Variants in USP9X observed in about 807,000 individuals in gnomAD.
The protein encoded by USP9X is ubiquitin specific peptidase 9 X-linked.
In USP9X, 7 loss-of-function variants were observed where a neutral mutation model predicts 190.3. The ratio of observed to expected loss-of-function variants is 0.04; its 90% CI spans 0.02 to 0.07. USP9X has a LOEUF of 0.07. USP9X is among the 10% of genes least tolerant of loss of function. USP9X has a pLI of 1.00. For synonymous variants in USP9X, 645 were observed against 659.5 expected (o/e 0.98, Z 0.34); for missense variants, 1,010 against 1,916.9 (o/e 0.53, Z 8.83).
chrX:41,170,024 T>C lies in USP9X; in HGVS notation c.2666T>C (p.Val889Ala). 2 of 1,211,613 alleles carry C rather than the reference T, an allele frequency of 1.7e-6. No individual in the cohort carries two copies. The highest frequency in any genetic ancestry group is 2.2e-6 in the Non-Finnish European group (2 of 895,401). ...TTCCGCGGTAAACACCTCTCTTTTGTAGTTCGATTTCCAAACCAGGGCAGA... is the reference window on the plus strand; with the variant it reads ...TTCCGCGGTAAACACCTCTCTTTTGCAGTTCGATTTCCAAACCAGGGCAGA... ...RAFRGKHLSF[V>A]VRFPNQGRQV... Residue 889 changes from valine (V) to alanine (A), a missense_variant, in exon 19 of 45, where the codon GTA becomes GCA. Physicochemically the swap from Val to Ala is moderately conservative, Grantham distance 64. This residue lies in a region of USP9X where 351 missense variants were observed against 480.8 expected (regional missense o/e 0.73). Transcript: ENST00000378308.
intron 32 of USP9X, among the ~76,000 whole-genome samples, chrX:41,208,111 G>A (rs886379881): frequency 4.7e-4 from 51 of 108,068 alleles, no homozygotes; most frequent in Admixed American, 2.0e-4. Flanking sequence ...TCGGCTCACG[G>A]TAACCTCTGC....
intron 41 of USP9X, among the ~76,000 whole-genome samples, chrX:41,228,580 A>ATG (rs1367704811): frequency 3.6e-5 from 4 of 110,356 alleles, no homozygotes; most frequent in Non-Finnish European, 5.7e-5. Flanking sequence ...AAAGGTATTG[A>ATG]TGTGTAGCAA....
Position 41,169,883 on chromosome X carries a change from C to CT in USP9X, c.2637-111dup, listed in dbSNP as rs2062709907. The CT allele has an allele frequency of 1.7e-5, 16 of 958,176 alleles. No homozygotes were observed. In the East Asian group the frequency reaches 4.9e-4, roughly 30 times the overall value. 79.0% of individuals were successfully genotyped at this position (958,176 alleles called of 1,213,427 possible). A position where few individuals can be genotyped will look rare whatever the true frequency, so the allele number is the denominator to read the frequency against. ...GTATTAAGTATCTTTAATTCACATC[C>CT]TCTTGTTTAATAAGAAAATACTTAG... On this transcript the variant is annotated intron_variant, in intron 18 of 44. Coordinates refer to ENST00000378308, the MANE Select transcript of USP9X (RefSeq NM_001039591.3).
intron 21 of USP9X, among the ~76,000 whole-genome samples, chrX:41,176,705 T>G (rs1035997582): frequency 5.3e-5 from 6 of 112,448 alleles, no homozygotes. Context: ...TTAATTTTTT[T>G]GTTGAAGATT....
Position 41,197,496 on chromosome X carries a change from G to C in USP9X, c.4366G>C (p.Ala1456Pro), listed in dbSNP as rs1159244770. Residue 1456 changes from alanine (A) to proline (P), a missense_variant, in exon 29 of 45, where the codon GCT (alanine) becomes CCT (proline). Ala to Pro is a conservative substitution (Grantham distance 27, BLOSUM62 -1). This residue lies in a region of USP9X where 351 missense variants were observed against 480.8 expected (regional missense o/e 0.73). Coordinates refer to ENST00000378308, the MANE Select transcript of USP9X (RefSeq NM_001039591.3). The part of the protein sequence containing the change: ...KFHIGCEKGG[A>P]NLIKELIDDF... ...TCATATTGGTTGTGAAAAAGGAGGT[G>C]CTAATCTCATTAAAGTAAGTTCTGT... is the stretch of plus-strand genomic sequence containing the variant. The C allele has an allele frequency of 1.7e-6, 2 of 1,209,193 alleles. No individual in the cohort carries two copies.
At chrX:41,198,818 T>C in intron 30 of USP9X, 68 bp downstream of exon 30, 2 of 972,003 alleles carry the variant, frequency 2.1e-6, no homozygotes, top group Non-Finnish European at 2.8e-6. Context: ...CCTGTTTTTC[T>C]TTCAGAAAAT....
At chrX:41,107,833 G>A (rs573206326) in intron 1 of USP9X, among the ~76,000 whole-genome samples, 1 of 111,722 alleles carries the variant, frequency 9.0e-6, no homozygotes. Flanking sequence ...CAGAATTTCC[G>A]TTTGGTTCTT....
Position 41,219,238 on chromosome X carries a change from A to AT in USP9X, c.6565+10dup. On this transcript the variant is annotated splice_region_variant and intron_variant, in intron 38 of 44. Transcript: ENST00000378308. ...GTAATGTATGCCAATTTAGGTAAGAATTTAAGTTTTTCAGAATTCTGTTTT... is the reference window on the plus strand; with the variant it reads ...GTAATGTATGCCAATTTAGGTAAGAATTTTAAGTTTTTCAGAATTCTGTTTT... 4.2e-6 allele frequency: 5 copies of AT among 1,202,102 alleles called. No individual in the cohort carries two copies. The highest frequency in any genetic ancestry group is 5.6e-6 in the Non-Finnish European group (5 of 891,185).
intron 6 of USP9X, among the ~76,000 whole-genome samples, 158 bp downstream of exon 6, chrX:41,137,180 CTTT>C (rs1202425036): frequency 1.8e-5 from 2 of 111,740 alleles, no homozygotes; most frequent in East Asian, 5.5e-4. Flanking sequence ...CGTTCTAGTT[CTTT>C]GTTTTTTCTG....
chrX:41,123,374 C>T, intron 1 of USP9X, 97 bp from the exon 2 acceptor site: 1 of 325,440 alleles, frequency 3.1e-6, no homozygotes, highest in Non-Finnish European at 5.4e-6. Flanking sequence ...GCCCCTTTTT[C>T]CTGATTAGAT....
At chrX:41,198,495 T>G in intron 29 of USP9X, 33 bp from the exon 30 acceptor site, 1 of 1,083,633 alleles carries the variant, frequency 9.2e-7, no homozygotes, top group South Asian at 2.1e-5. Flanking sequence ...TATATAGCAT[T>G]GCTAATATGT....
intron 32 of USP9X, among the ~76,000 whole-genome samples, chrX:41,207,600 C>T (rs1043854175): frequency 7.2e-5 from 8 of 111,396 alleles, no homozygotes; most frequent in African/African-American, 1.3e-4. Flanking sequence ...AGTACAACCA[C>T]GTAACTCTTA....
chrX:41,223,076 A>G, intron 38 of USP9X, 141 bp from the exon 39 acceptor site: 1 of 609,412 alleles, frequency 1.6e-6, no homozygotes. Flanking sequence ...ATTACAAATC[A>G]AAATTTTTCT....
chrX:41,132,323 G>A (rs1458165955), intron 4 of USP9X, among the ~76,000 whole-genome samples: 2 of 57,152 alleles, frequency 3.5e-5, no homozygotes, highest in Non-Finnish European at 6.2e-5. Context: ...TTTTTTTTGA[G>A]ATGGAATTTC....
At chrX:41,102,074 A>G (rs62587196) in intron 1 of USP9X, among the ~76,000 whole-genome samples, 2,748 of 111,517 alleles carry the variant, frequency 0.025, 31 homozygotes, top group Non-Finnish European at 0.037. Flanking sequence ...TTTTGGTGAT[A>G]ATTGTGCAAC....
chrX:41,164,817 C>A (rs2062664860), intron 15 of USP9X, among the ~76,000 whole-genome samples: 1 of 111,878 alleles, frequency 8.9e-6, no homozygotes, highest in Non-Finnish European at 1.9e-5. Context: ...TGTGCTCTTC[C>A]TATTAGACCG....
chrX:41,108,796 A>C (rs940624443), intron 1 of USP9X, among the ~76,000 whole-genome samples: 1 of 110,955 alleles, frequency 9.0e-6, no homozygotes. Context: ...CCTGCCATGG[A>C]ATCTTGACTC....
chrX:41,212,600 T>C (rs1198950173), intron 33 of USP9X, among the ~76,000 whole-genome samples: 2 of 111,953 alleles, frequency 1.8e-5, no homozygotes, highest in African/African-American at 3.2e-5. Context: ...CTGATAAATA[T>C]ACATGCCTGT....
intron 28 of USP9X, 33 bp from the exon 29 acceptor site, chrX:41,197,331 T>TGGGCCC: frequency 2.1e-6 from 1 of 486,762 alleles, no homozygotes; most frequent in Non-Finnish European, 2.9e-6. Context: ...TTTGATTTCT[T>TGGGCCC]CCCCCCCCCA....
Sources: allele counts gnomAD v4.1 joint callset (sites outside exome capture counted in the v4.1 genomes callset), GRCh38; gene constraint gnomAD v4.1.1; regional missense constraint gnomAD v4.1.1; transcripts MANE v1.5; gene names NCBI Gene and HGNC (gene_info 2026-07-23, HGNC 2026-07-21).